MYO16: variants seen among roughly 807,000 people sequenced by gnomAD.
MYO16 encodes myosin XVI, also known as unconventional myosin-XVI.
In MYO16, 94 loss-of-function variants were observed where a neutral mutation model predicts 205.3. The ratio of observed to expected loss-of-function variants is 0.46; its 90% CI spans 0.39 to 0.54. The LOEUF is 0.54. Among genes scored for constraint, MYO16 ranks in the 20% least tolerant of loss-of-function variants. The pLI is 0.00. For missense variants in MYO16, 2,315 were observed against 2,387.5 expected, an observed-to-expected ratio of 0.97 and a Z score of 0.63; for synonymous variants, 988 against 954.0, an observed-to-expected ratio of 1.04 and a Z score of -0.66.
chr13:108,870,832 T>C (rs1879015559), intron 12 of MYO16, among the ~76,000 whole-genome samples: 1 of 152,066 alleles, frequency 6.6e-6, no homozygotes, highest in East Asian at 1.9e-4. Context: ...ATCCTTGATT[T>C]CCTGCCTTTC....
chr13:108,584,419 T>C, the MYO16 span, among the ~76,000 whole-genome samples: 1 of 152,262 alleles, frequency 6.6e-6, no homozygotes, highest in Admixed American at 6.5e-5. Flanking sequence ...ATGCAATGTG[T>C]AATCAGAGTA....
chr13:108,602,774 C>G (rs190924942), intron 1 of MYO16, among the ~76,000 whole-genome samples: 1 of 152,280 alleles, frequency 6.6e-6, no homozygotes, highest in African/African-American at 2.4e-5. Context: ...CATTTTTAAA[C>G]TACCACCAAT....
chr13:108,591,398 T>G (rs1212967541), upstream of MYO16, among the ~76,000 whole-genome samples: 1 of 152,144 alleles, frequency 6.6e-6, no homozygotes, highest in Non-Finnish European at 1.5e-5. Flanking sequence ...AAAATCTAGT[T>G]GAAAATTGAG....
intron 2 of MYO16, among the ~76,000 whole-genome samples, chr13:108,705,193 G>C (rs1415398477): frequency 2.0e-5 from 3 of 152,124 alleles, no homozygotes; most frequent in African/African-American, 7.2e-5. Context: ...TTCCATCTGG[G>C]ACATGAATCA....
At chr13:108,700,332 CA>C (rs1183646145) in intron 2 of MYO16, among the ~76,000 whole-genome samples, 11 of 96,428 alleles carry the variant, frequency 1.1e-4, no homozygotes, top group African/African-American at 4.7e-4. Context: ...AACTCTGTCT[CA>C]AAAAAAAAAA....
chr13:108,544,270 G>A, the MYO16 span, among the ~76,000 whole-genome samples: 3 of 151,906 alleles, frequency 2.0e-5, no homozygotes, highest in Non-Finnish European at 2.9e-5. Flanking sequence ...CTTTAATCAG[G>A]AACAATCACC....
intron 34 of MYO16, 125 bp from the exon 35 acceptor site, chr13:109,206,484 G>C (rs1211027987): frequency 1.4e-6 from 1 of 699,268 alleles, no homozygotes; most frequent in East Asian, 2.6e-5. Context: ...CATGGAGATT[G>C]AGGAAAGAGG....
intron 33 of MYO16, among the ~76,000 whole-genome samples, chr13:109,172,861 T>G (rs138017056): frequency 0.016 from 2,376 of 152,326 alleles, 29 homozygotes; most frequent in Non-Finnish European, 0.024. Context: ...GTGAATTCGT[T>G]TCTCTGAAAC....
intron 28 of MYO16, among the ~76,000 whole-genome samples, chr13:109,116,272 G>C (rs372965026): frequency 6.6e-6 from 1 of 152,132 alleles, no homozygotes; most frequent in African/African-American, 2.4e-5. Context: ...TGAATCCGAA[G>C]CCCAGAAGCC....
chr13:108,649,839 T>C (rs1880921103), intron 1 of MYO16, among the ~76,000 whole-genome samples: 2 of 152,348 alleles, frequency 1.3e-5, no homozygotes, highest in South Asian at 4.1e-4. Context: ...TGTTCTTGCA[T>C]TGATCTTTAA....
At chr13:109,170,854 G>A (rs1006899714) in intron 33 of MYO16, among the ~76,000 whole-genome samples, 4 of 152,068 alleles carry the variant, frequency 2.6e-5, no homozygotes, top group Admixed American at 1.3e-4. Context: ...TAGTGTGTAC[G>A]GCCAAAGCCT....
upstream of MYO16, among the ~76,000 whole-genome samples, chr13:108,626,302 T>C (rs1879732694): frequency 6.6e-6 from 1 of 152,210 alleles, no homozygotes; most frequent in East Asian, 1.9e-4. Flanking sequence ...GAACAATAGT[T>C]CATTGTAATA....
At chr13:109,145,466 C>T (rs1446468776) in intron 32 of MYO16, among the ~76,000 whole-genome samples, 1 of 152,066 alleles carries the variant, frequency 6.6e-6, no homozygotes, top group East Asian at 1.9e-4. Flanking sequence ...CCCATAAACT[C>T]AAGAATGCCA....
At chr13:108,532,075 G>C in the MYO16 span, among the ~76,000 whole-genome samples, 2 of 151,980 alleles carry the variant, frequency 1.3e-5, no homozygotes, top group Non-Finnish European at 2.9e-5. Context: ...GCGTAGTGGT[G>C]CACACCTGTA....
At chr13:108,708,396 G>GT (rs1566562988) in intron 2 of MYO16, among the ~76,000 whole-genome samples, 2 of 152,034 alleles carry the variant, frequency 1.3e-5, no homozygotes, top group African/African-American at 4.8e-5. Flanking sequence ...CATTTCAGGA[G>GT]GAAAAAAATG....
intron 4 of MYO16, among the ~76,000 whole-genome samples, chr13:108,732,664 T>G (rs1884562074): frequency 6.6e-6 from 1 of 152,172 alleles, no homozygotes; most frequent in Non-Finnish European, 1.5e-5. Context: ...ACTAGGTGAT[T>G]AGGGAAGCCC....
chr13:108,959,214 TCTG>T (rs1423447915), intron 17 of MYO16, among the ~76,000 whole-genome samples: 6 of 150,878 alleles, frequency 4.0e-5, no homozygotes, highest in African/African-American at 7.3e-5. Flanking sequence ...TTACCCGGCC[TCTG>T]TTTTTCTCCT....
chr13:109,116,865 G>A (rs564490800), intron 28 of MYO16, among the ~76,000 whole-genome samples: 3 of 152,230 alleles, frequency 2.0e-5, no homozygotes, highest in South Asian at 4.1e-4. Context: ...GCAGACACTT[G>A]CAATGGTAGG....
At chr13:108,877,598 C>G (rs1879387210) in intron 12 of MYO16, among the ~76,000 whole-genome samples, 1 of 152,194 alleles carries the variant, frequency 6.6e-6, no homozygotes, top group Non-Finnish European at 1.5e-5. Flanking sequence ...AATATAGCAT[C>G]TTATAGTTTG....
Sources: gnomAD v4.1 joint callset for allele counts (sites outside exome capture counted in the v4.1 genomes callset) on GRCh38, gnomAD v4.1.1 for gene constraint, MANE v1.5 for transcripts, NCBI Gene and HGNC (gene_info 2026-07-23, HGNC 2026-07-21) for gene names.